Variants in SRPK1 observed in about 807,000 individuals in gnomAD.
SRPK1 encodes the protein SFRS protein kinase 1.
Under a neutral mutation model 89.5 loss-of-function variants are expected in SRPK1, and 52 were observed. The ratio of observed to expected loss-of-function variants is 0.58; its 90% CI spans 0.46 to 0.73. The LOEUF (loss-of-function observed/expected upper bound fraction) is 0.73. Among genes scored for constraint, SRPK1 ranks in the 30% least tolerant of loss-of-function variants. The probability of loss-of-function intolerance (pLI) is 0.00; values close to 1 mark genes in which losing one functional copy is unlikely to be tolerated. For missense variants in SRPK1, 603 were observed against 780.6 expected (o/e 0.77, Z 2.71); for synonymous variants, 255 against 270.2 (o/e 0.94, Z 0.55).
Position 35,863,695 on chromosome 6 carries a change from G to A in SRPK1, c.1512+5315C>T, listed in dbSNP as rs557285809. Among the ~76,000 whole-genome samples the A allele has an allele frequency of 4.7e-4, 72 of 151,970 alleles. No individual in the cohort carries two copies. In the South Asian group the frequency reaches 0.013, roughly 28 times the overall value. ...AGCTGAGGGATTTCAAAAAAAAGCT[G>A]AGGGATTTTATCAACACCAGACCTA... On this transcript the variant is annotated intron_variant, in intron 12 of 15. Coordinates refer to ENST00000373825, the MANE Select transcript of SRPK1 (RefSeq NM_003137.5).
At chr6:35,838,014 G>A (rs1004239149) in intron 15 of SRPK1, among the ~76,000 whole-genome samples, 28 of 151,420 alleles carry the variant, frequency 1.8e-4, no homozygotes, top group African/African-American at 3.6e-4. Context: ...GATTACAGGC[G>A]CCCGCCACTC....
At position 35,835,327 on chromosome 6, in the gene SRPK1, G is replaced by A. The variant is rs202045785; in HGVS notation, c.1945C>T (p.Arg649Trp). The A allele has an allele frequency of 2.7e-5, 43 of 1,613,536 alleles. No homozygotes were observed. Among genetic ancestry groups the A allele is most frequent in the African/African-American group, 8.0e-5 (6 of 74,922 alleles). Residue 649 changes from arginine (R) to tryptophan (W), a missense_variant, in exon 16 of 16, where the codon CGG becomes TGG. Physicochemically the swap from Arg to Trp is moderately radical, Grantham distance 101. Transcript: ENST00000373825. Reference sequence around the variant, plus strand: ...GCTTAGGAGTTAAGCCAAGGGTGCCGGAGACACTCGGCGGCAGTGGCTCTC... The same window carrying A: ...GCTTAGGAGTTAAGCCAAGGGTGCCAGAGACACTCGGCGGCAGTGGCTCTC... ...EKRATAAECL[R>W]HPWLNS
chr6:35,901,694 C>T (rs772329827), intron 2 of SRPK1, among the ~76,000 whole-genome samples: 8 of 152,138 alleles, frequency 5.3e-5, no homozygotes, highest in South Asian at 4.1e-4. Flanking sequence ...AAAGATTTAA[C>T]GAGATGCTAT....
In SRPK1 at chr6:35,835,057, C is replaced by T; in HGVS notation, c.*247G>A. The T allele has an allele frequency of 5.3e-6, 2 of 379,278 alleles. No homozygotes were observed. The highest frequency in any genetic ancestry group is 9.6e-6 in the Non-Finnish European group (2 of 207,952). 23.5% of individuals were successfully genotyped at this position (379,278 alleles called of 1,614,324 possible). A position where few individuals can be genotyped will look rare whatever the true frequency, so the allele number is the denominator to read the frequency against. On this transcript the variant is annotated 3_prime_UTR_variant, in exon 16 of 16. Transcript: ENST00000373825. ...AAAGGTACAGGGCAAGAGGCTGTTTCACATTTTAGTCCATTAGTCTTTGGC... is the reference window on the plus strand; with the variant it reads ...AAAGGTACAGGGCAAGAGGCTGTTTTACATTTTAGTCCATTAGTCTTTGGC...
intron 2 of SRPK1, among the ~76,000 whole-genome samples, chr6:35,904,515 C>T (rs151180815): frequency 2.1e-4 from 32 of 152,228 alleles, no homozygotes; most frequent in Non-Finnish European, 3.8e-4. Flanking sequence ...TAAATAAAGT[C>T]GTGGGCTGGG....
At chr6:35,874,015 G>A (rs1208085059) in intron 7 of SRPK1, among the ~76,000 whole-genome samples, 1 of 150,426 alleles carries the variant, frequency 6.6e-6, no homozygotes, top group Non-Finnish European at 1.5e-5. Flanking sequence ...TTTGAGTAGA[G>A]AGGAGGTTTC....
At chr6:35,861,875 A>G (rs1769790009) in intron 12 of SRPK1, among the ~76,000 whole-genome samples, 1 of 152,142 alleles carries the variant, frequency 6.6e-6, no homozygotes, top group South Asian at 2.1e-4. Flanking sequence ...TCTCAGTCAC[A>G]GGCCAACAGC....
intron 15 of SRPK1, among the ~76,000 whole-genome samples, chr6:35,835,763 G>T (rs1414198831): frequency 3.9e-5 from 6 of 151,988 alleles, no homozygotes; most frequent in African/African-American, 1.4e-4. Context: ...TGACAATCAA[G>T]AAGTAGGTAT....
intron 13 of SRPK1, among the ~76,000 whole-genome samples, chr6:35,848,821 C>A (rs1769477788): frequency 6.6e-6 from 1 of 152,168 alleles, no homozygotes; most frequent in Non-Finnish European, 1.5e-5. Context: ...CTGGACCACC[C>A]TCATCTCACT....
At chr6:35,906,232 A>ATT (rs536550212) in intron 2 of SRPK1, among the ~76,000 whole-genome samples, 61 of 150,196 alleles carry the variant, frequency 4.1e-4, no homozygotes, top group African/African-American at 1.5e-3. Flanking sequence ...GAATTTTATT[A>ATT]TTTTTTTTTT....
In SRPK1 at chr6:35,835,348, C is replaced by T. The variant is rs1195471249; in HGVS notation, c.1924G>A (p.Ala642Thr). Reference protein sequence around the residue: ...PMLELIPEKRATAAECLRHPW... With the variant: ...PMLELIPEKRTTAAECLRHPW... ...TGCCGGAGACACTCGGCGGCAGTGGCTCTCTTCTCAGGGATCAGCTCCAAC... is the reference window on the plus strand; with the variant it reads ...TGCCGGAGACACTCGGCGGCAGTGGTTCTCTTCTCAGGGATCAGCTCCAAC... The change falls in exon 16 of 16, where the codon GCC (alanine) becomes ACC (threonine). Residue 642 changes from alanine (A) to threonine (T), a missense_variant. Ala to Thr is a moderately conservative substitution (Grantham distance 58). Coordinates refer to ENST00000373825, the MANE Select transcript of SRPK1 (RefSeq NM_003137.5). 1 of 1,613,780 alleles carries T rather than the reference C, an allele frequency of 6.2e-7. No homozygotes were observed. The highest frequency in any genetic ancestry group is 8.5e-7 in the Non-Finnish European group (1 of 1,179,840).
chr6:35,912,542 T>C (rs536785509), intron 2 of SRPK1, among the ~76,000 whole-genome samples: 3 of 152,354 alleles, frequency 2.0e-5, no homozygotes, highest in South Asian at 2.1e-4. Flanking sequence ...AACTTTTATA[T>C]GCATTGGGAA....
Position 35,857,268 on chromosome 6 carries a change from G to C in SRPK1, c.1613C>G (p.Ala538Gly). 1 of 1,610,552 alleles carries C rather than the reference G, an allele frequency of 6.2e-7. No homozygotes were observed. The highest frequency in any genetic ancestry group is 8.5e-7 in the Non-Finnish European group (1 of 1,177,674). The change falls in exon 13 of 16, where the codon GCA becomes GGA. Residue 538 changes from alanine to glycine, a missense_variant. Ala to Gly is a moderately conservative substitution (Grantham distance 60). Coordinates refer to ENST00000373825, the MANE Select transcript of SRPK1 (RefSeq NM_003137.5). ...YNTPADIWST[A>G]CMAFELATGD... ...AAGGGGAAAAAACATTACCATGCAT[G>C]CCGTGCTCCAAATGTCAGCAGGGGT...
Position 35,869,093 on chromosome 6 carries a change from T to C in SRPK1, c.1429A>G (p.Asn477Asp). 1 of 1,613,668 alleles carries C rather than the reference T, an allele frequency of 6.2e-7. No individual in the cohort carries two copies. Among genetic ancestry groups the C allele is most frequent in the Non-Finnish European group, 8.5e-7 (1 of 1,179,804 alleles). The change falls in exon 12 of 16, where the codon AAT becomes GAT. Residue 477 changes from asparagine to aspartate, a missense_variant. Transcript: ENST00000373825. ...LDNKGKSTAGNFLVNPLEPKN... is the reference protein window; with the variant it reads ...LDNKGKSTAGDFLVNPLEPKN... ...GGCTCAAGGGGATTAACAAGAAAAT[T>C]TCCAGCCGTGGATTTTCCTACAGAC... is the stretch of plus-strand genomic sequence containing the variant.
chr6:35,842,953 T>A (rs1769344045), intron 13 of SRPK1, among the ~76,000 whole-genome samples: 1 of 151,548 alleles, frequency 6.6e-6, no homozygotes. Flanking sequence ...AAGTTATTAT[T>A]CATGAGAAGA....
At chr6:35,920,561 G>A in intron 1 of SRPK1, 33 bp from the exon 2 acceptor site, 4 of 1,607,654 alleles carry the variant, frequency 2.5e-6, no homozygotes, top group Non-Finnish European at 3.4e-6. Context: ...AAGGGCGAAT[G>A]TGGAGGAAAG....
intron 2 of SRPK1, among the ~76,000 whole-genome samples, chr6:35,908,509 CAGA>C (rs1770896195): frequency 6.6e-6 from 1 of 152,144 alleles, no homozygotes; most frequent in Admixed American, 6.5e-5. Context: ...GGGTATTTGG[CAGA>C]AGAAATTTCT....
chr6:35,843,370 T>C (rs2151079272), intron 13 of SRPK1, among the ~76,000 whole-genome samples: 1 of 151,828 alleles, frequency 6.6e-6, no homozygotes, highest in Middle Eastern at 3.4e-3. Context: ...TACTTATGAC[T>C]CTTTAGTGTT....
intron 6 of SRPK1, among the ~76,000 whole-genome samples, chr6:35,881,467 A>AG (rs1295501420): frequency 6.6e-6 from 1 of 151,568 alleles, no homozygotes; most frequent in East Asian, 1.9e-4. Context: ...ATATAGATAT[A>AG]GATATAGATA....
Sources: allele counts gnomAD v4.1 joint callset (sites outside exome capture counted in the v4.1 genomes callset), GRCh38; gene constraint gnomAD v4.1.1; transcripts MANE v1.5; gene names NCBI Gene and HGNC (gene_info 2026-07-23, HGNC 2026-07-21).